The following CCDC171 variants were observed in gnomAD, a reference collection of about 807,000 sequenced individuals.
The protein encoded by CCDC171 is coiled-coil domain containing 171.
Under a neutral mutation model 168.2 loss-of-function variants are expected in CCDC171, and 177 were observed. The ratio of observed to expected loss-of-function variants is 1.05; its 90% CI spans 0.93 to 1.19. CCDC171 has a LOEUF of 1.19. CCDC171 is among the 50% of genes most tolerant of loss of function. CCDC171 has a pLI of 0.00. For missense variants in CCDC171, 1,991 were observed against 1,539.0 expected (o/e 1.29, Z -4.91); for synonymous variants, 687 against 540.8 (o/e 1.27, Z -3.75).
chr9:15,815,852 C>T lies in CCDC171; in HGVS notation c.3268-30850C>T, dbSNP rs962619840. On this transcript the variant is annotated intron_variant, in intron 21 of 25. Coordinates refer to ENST00000380701, the MANE Select transcript of CCDC171 (RefSeq NM_173550.4). Reference sequence around the variant, plus strand: ...CTTTAATCCCATATATTTTTATCTTCCTACTGACTTATACCATTGAGACCT... The same window carrying T: ...CTTTAATCCCATATATTTTTATCTTTCTACTGACTTATACCATTGAGACCT... Among the ~76,000 whole-genome samples the T allele has an allele frequency of 3.4e-5, 4 of 116,930 alleles. No individual in the cohort carries two copies. In the East Asian group the frequency reaches 6.4e-4, roughly 19 times the overall value. 76.7% of individuals were successfully genotyped at this position (116,930 alleles called of 152,430 possible). A position where few individuals can be genotyped will look rare whatever the true frequency, so the allele number is the denominator to read the frequency against.
At chr9:15,928,366 A>G (rs959362771) in intron 25 of CCDC171, among the ~76,000 whole-genome samples, 3 of 151,684 alleles carry the variant, frequency 2.0e-5, no homozygotes, top group Non-Finnish European at 4.4e-5. Context: ...AAAGCATGGC[A>G]AGCTCAAGGG....
chr9:15,848,766 TAAAAA>T lies in CCDC171; in HGVS notation c.3414-124_3414-120del, dbSNP rs938833344. ...CAAAATTTAAAAAGTTAAAATAAAT[TAAAAA>T]AATAAAAGGAGAACAGTGATATCAG... On this transcript the variant is annotated intron_variant, in intron 22 of 25. Transcript: ENST00000380701. 5 of 475,642 alleles carry T rather than the reference TAAAAA, an allele frequency of 1.1e-5. No individual in the cohort carries two copies. In the East Asian group the frequency reaches 1.8e-4, roughly 18 times the overall value. 29.5% of individuals were successfully genotyped at this position (475,642 alleles called of 1,614,324 possible).
At chr9:15,611,128 C>T (rs2131847117) in intron 6 of CCDC171, among the ~76,000 whole-genome samples, 1 of 152,240 alleles carries the variant, frequency 6.6e-6, no homozygotes, top group South Asian at 2.1e-4. Context: ...CTCCTTCCTC[C>T]TGCTCCTGAT....
chr9:15,602,632 C>CTTTTTTTTTTTTTCTTTTTT (rs2042936144), intron 6 of CCDC171, among the ~76,000 whole-genome samples: 1 of 31,000 alleles, frequency 3.2e-5, no homozygotes, highest in African/African-American at 9.7e-5. Context: ...TTTCTCATTT[C>CTTTTTTTTTTTTTCTTTTTT]TTTTTTTTTT....
chr9:15,697,673 A>G (rs1034938922), intron 11 of CCDC171, among the ~76,000 whole-genome samples: 13 of 152,176 alleles, frequency 8.5e-5, no homozygotes, highest in African/African-American at 2.9e-4. Context: ...ATGTCAAAAA[A>G]TCCACATACC....
intron 24 of CCDC171, among the ~76,000 whole-genome samples, chr9:15,906,240 A>T (rs942757003): frequency 5.3e-5 from 8 of 152,214 alleles, no homozygotes; most frequent in African/African-American, 1.7e-4. Context: ...TTTTAGACCA[A>T]TGTCCTTGAT....
chr9:15,974,662 C>G (rs933577337), downstream of CCDC171, among the ~76,000 whole-genome samples: 4 of 152,014 alleles, frequency 2.6e-5, no homozygotes, highest in Admixed American at 2.6e-4. Context: ...AATATAAAAA[C>G]AAAGAGGTTT....
downstream of CCDC171, among the ~76,000 whole-genome samples, chr9:15,978,945 T>C (rs1016119451): frequency 1.3e-5 from 2 of 152,204 alleles, no homozygotes; most frequent in Non-Finnish European, 2.9e-5. Flanking sequence ...TCTATCTCTA[T>C]GGATTTGCCT....
chr9:15,580,224 T>C (rs927160424), intron 4 of CCDC171, among the ~76,000 whole-genome samples: 1 of 152,050 alleles, frequency 6.6e-6, no homozygotes, highest in Admixed American at 6.5e-5. Flanking sequence ...CAATTCAAGA[T>C]CAAAGACTTA....
intron 3 of CCDC171, among the ~76,000 whole-genome samples, chr9:15,982,957 T>C (rs576657464): frequency 6.6e-6 from 1 of 152,228 alleles, no homozygotes; most frequent in African/African-American, 2.4e-5. Flanking sequence ...GAAAAGTCAC[T>C]CAAATATTAA....
intron 3 of CCDC171, among the ~76,000 whole-genome samples, chr9:16,003,801 C>G (rs16933912): frequency 0.01 from 1,581 of 152,322 alleles, 31 homozygotes; most frequent in African/African-American, 0.035. Context: ...GGATGTCCTA[C>G]TTTCCCTTAA....
intron 2 of CCDC171, among the ~76,000 whole-genome samples, chr9:15,566,596 C>T (rs1366516314): frequency 6.6e-6 from 1 of 152,252 alleles, no homozygotes; most frequent in African/African-American, 2.4e-5. Context: ...ATATGATATG[C>T]AAACATTTTT....
At chr9:16,018,585 G>C (rs1304250055) in intron 3 of CCDC171, among the ~76,000 whole-genome samples, 1 of 152,060 alleles carries the variant, frequency 6.6e-6, no homozygotes, top group Non-Finnish European at 1.5e-5. Context: ...ATAAATCAAA[G>C]AATCTTTCGT....
In CCDC171 at chr9:15,795,771, C is replaced by T. The variant is rs1250627213; in HGVS notation, c.3267+11077C>T. ...CAGCTACATGAGAATTTGACATCTA[C>T]TCAGGACTGTGGGTGGGAAAAGTTA... On this transcript the variant is annotated intron_variant, in intron 21 of 25. Coordinates refer to ENST00000380701, the MANE Select transcript of CCDC171 (RefSeq NM_173550.4). Among the ~76,000 whole-genome samples, 3 of 152,316 alleles carry T rather than the reference C, an allele frequency of 2.0e-5. No individual in the cohort carries two copies. In the East Asian group the frequency reaches 5.8e-4, roughly 29 times the overall value.
the CCDC171 span, among the ~76,000 whole-genome samples, chr9:16,095,983 C>G: frequency 1.3e-5 from 2 of 149,742 alleles, no homozygotes; most frequent in Non-Finnish European, 3.0e-5. Flanking sequence ...TAAATATAAT[C>G]AAATTAGTTC....
At chr9:16,102,651 T>A in the CCDC171 span, among the ~76,000 whole-genome samples, 3 of 152,132 alleles carry the variant, frequency 2.0e-5, no homozygotes, top group East Asian at 5.8e-4. Flanking sequence ...TTTAAAAGGG[T>A]CAGAAGATCT....
At chr9:15,588,300 C>G (rs2041724682) in intron 4 of CCDC171, 1 of 203,256 alleles carries the variant, frequency 4.9e-6, no homozygotes, top group Non-Finnish European at 1.1e-5. Context: ...CTGACCAAAG[C>G]CCACACGCCA....
At chr9:15,785,271 A>G (rs1041912522) in intron 21 of CCDC171, among the ~76,000 whole-genome samples, 27 of 152,258 alleles carry the variant, frequency 1.8e-4, no homozygotes, top group African/African-American at 6.5e-4. Context: ...AGTATAATAG[A>G]ATTCTAGTTT....
intron 25 of CCDC171, among the ~76,000 whole-genome samples, chr9:15,924,247 C>G (rs562681689): frequency 6.6e-6 from 1 of 151,156 alleles, no homozygotes; most frequent in Admixed American, 6.6e-5. Context: ...TTGTGTTAAC[C>G]AGTTAATAGT....
Sources: gnomAD v4.1 joint callset for allele counts (sites outside exome capture counted in the v4.1 genomes callset) on GRCh38, gnomAD v4.1.1 for gene constraint, MANE v1.5 for transcripts, NCBI Gene and HGNC (gene_info 2026-07-23, HGNC 2026-07-21) for gene names.